TBX1: variants seen among roughly 807,000 people sequenced by gnomAD.
TBX1 encodes T-box transcription factor 1.
A neutral mutation model predicts 40.8 loss-of-function variants in TBX1; 16 were observed. The ratio of observed to expected loss-of-function variants is 0.39; its 90% CI spans 0.27 to 0.60. TBX1 has a LOEUF of 0.60. Ranked by LOEUF, TBX1 falls within the 20% of genes least tolerant of loss-of-function variation. The pLI is 0.51. For missense variants in TBX1, 755 were observed against 728.5 expected (o/e 1.04, Z -0.42); for synonymous variants, 403 against 336.8 (o/e 1.20, Z -2.15).
intron 1 of TBX1, among the ~76,000 whole-genome samples, chr22:19,761,593 A>G (rs1019026415): frequency 7.9e-5 from 12 of 151,936 alleles, no homozygotes; most frequent in African/African-American, 1.9e-4. Context: ...CGCGCGGCCC[A>G]GAAACCGGCC....
chr22:19,757,536 C>A (rs1936514668), upstream of TBX1, among the ~76,000 whole-genome samples: 1 of 152,188 alleles, frequency 6.6e-6, no homozygotes, highest in Non-Finnish European at 1.5e-5. Flanking sequence ...TTGGGCATAC[C>A]CTCAGGCTGG....
chr22:19,780,437 G>A (rs1206769598), downstream of TBX1, among the ~76,000 whole-genome samples: 2 of 152,188 alleles, frequency 1.3e-5, no homozygotes, highest in African/African-American at 2.4e-5. Context: ...GTTCTAGCCT[G>A]TGTCGGAACT....
chr22:19,759,546 C>G, upstream of TBX1: 1 of 1,564,008 alleles, frequency 6.4e-7, no homozygotes, highest in Non-Finnish European at 8.6e-7. Flanking sequence ...AGCATCGCCT[C>G]TCTGGTTGCA....
At chr22:19,765,852 G>A (rs1936816510) in intron 5 of TBX1, 27 bp downstream of exon 5, 1 of 1,581,334 alleles carries the variant, frequency 6.3e-7, no homozygotes, top group African/African-American at 1.4e-5. Context: ...GAGAGAGTGA[G>A]CGCCGGGCGC....
At chr22:19,766,154 C>G (rs1168293653) in intron 6 of TBX1, 152 bp downstream of exon 6, 1 of 749,802 alleles carries the variant, frequency 1.3e-6, no homozygotes, top group East Asian at 1.1e-4. Flanking sequence ...CGCGCACTCG[C>G]CCGCCCGGCC....
upstream of TBX1, among the ~76,000 whole-genome samples, chr22:19,758,268 C>A (rs901587562): frequency 6.6e-6 from 1 of 152,206 alleles, no homozygotes; most frequent in Non-Finnish European, 1.5e-5. Flanking sequence ...TACAGAGAGG[C>A]CTTGCAAACA....
chr22:19,766,771 G>GGCCGCC lies in TBX1; in HGVS notation c.1428_1433dup (p.Ala484_Ala485dup). ...ACCACCCCGTGAGTCCAGCCGCCGC[G>GGCCGCC]GCCGCCGCCGCCGCTGCCGCAGCTG... On this transcript the variant is annotated inframe_insertion, in exon 7 of 7. Coordinates refer to ENST00000649276, the MANE Select transcript of TBX1 (RefSeq NM_001379200.1). 4 of 1,472,994 alleles carry GGCCGCC rather than the reference G, an allele frequency of 2.7e-6. No homozygotes were observed. Among genetic ancestry groups the GGCCGCC allele is most frequent in the Non-Finnish European group, 3.6e-6 (4 of 1,125,840 alleles). The allele number at this position is 1,472,994 out of a possible 1,614,324, so 91.2% of individuals were successfully genotyped here.
chr22:19,769,204 G>A (rs1343310676), downstream of TBX1, among the ~76,000 whole-genome samples: 2 of 152,058 alleles, frequency 1.3e-5, no homozygotes, highest in Admixed American at 6.6e-5. Flanking sequence ...CAGGTGACCC[G>A]CCTGCCTTGG....
In TBX1 at chr22:19,766,505, G is replaced by A. The variant is rs1790276362; in HGVS notation, c.1153G>A (p.Ala385Thr). ...GGTGCTAAGCCCCTCGCTGCCCGGG[G>A]CCGGCGGCGCCGGCGGCTTAGTCCC... ...ARVLSPSLPG[A>T]GGAGGLVPLP... The change falls in exon 7 of 7, where the codon GCC becomes ACC. Residue 385 changes from alanine (A) to threonine (T), a missense_variant. Physicochemically the swap from Ala to Thr is moderately conservative, Grantham distance 58. This residue lies in a region of TBX1 where 412 missense variants were observed against 317.6 expected (regional missense o/e 1.30). Transcript: ENST00000649276. 7.7e-7 allele frequency: 1 copy of A among 1,303,490 alleles called. No homozygotes were observed. The highest frequency in any genetic ancestry group is 9.7e-7 in the Non-Finnish European group (1 of 1,029,224). The allele number at this position is 1,303,490 out of a possible 1,614,324, so 80.7% of individuals were successfully genotyped here.
chr22:19,766,093 G>A (rs1936831198), intron 6 of TBX1, 91 bp downstream of exon 6: 3 of 1,135,976 alleles, frequency 2.6e-6, no homozygotes, highest in Non-Finnish European at 3.4e-6. Context: ...GCGCCCCCGG[G>A]GCGCTCCAGG....
upstream of TBX1, chr22:19,759,463 G>C: frequency 7.0e-7 from 1 of 1,426,794 alleles, no homozygotes; most frequent in Non-Finnish European, 9.1e-7. Flanking sequence ...CACGCAGTCG[G>C]AGGCGGCGCC....
At chr22:19,770,161 G>A (rs556693189), downstream of TBX1, among the ~76,000 whole-genome samples, 50 of 152,204 alleles carry the variant, frequency 3.3e-4, no homozygotes, top group African/African-American at 1.0e-3. Flanking sequence ...GGCTGCAGAC[G>A]TCCAGCTGCC....
downstream of TBX1, chr22:19,782,809 T>C (rs770233012): frequency 7.5e-6 from 12 of 1,601,186 alleles, no homozygotes; most frequent in Admixed American, 1.7e-5. Flanking sequence ...TCTTTCTTGC[T>C]ACACAAAGAG....
downstream of TBX1, among the ~76,000 whole-genome samples, chr22:19,767,832 C>G (rs1936914755): frequency 6.6e-6 from 1 of 152,206 alleles, no homozygotes; most frequent in Admixed American, 6.5e-5. Context: ...CATGGAAAGA[C>G]AAAAACAGGC....
downstream of TBX1, among the ~76,000 whole-genome samples, chr22:19,780,161 G>A (rs1379287460): frequency 6.6e-6 from 1 of 152,184 alleles, no homozygotes; most frequent in Non-Finnish European, 1.5e-5. Context: ...CCCTTTGTAA[G>A]TGTACATTTC....
At chr22:19,759,623 C>A, upstream of TBX1, 1 of 1,611,734 alleles carries the variant, frequency 6.2e-7, no homozygotes, top group Non-Finnish European at 8.5e-7. Context: ...GCTTCGCTGG[C>A]TGCCAGGATC....
chr22:19,758,109 C>T (rs575165833), upstream of TBX1, among the ~76,000 whole-genome samples: 2 of 152,356 alleles, frequency 1.3e-5, no homozygotes, highest in East Asian at 3.9e-4. Flanking sequence ...CCCAGCCCCC[C>T]AGCCCGTTAC....
chr22:19,780,582 T>C (rs1274984904), downstream of TBX1, among the ~76,000 whole-genome samples: 2 of 152,192 alleles, frequency 1.3e-5, no homozygotes, highest in Non-Finnish European at 2.9e-5. Context: ...TGAACGTGGG[T>C]ATAGAAATAT....
chr22:19,778,698 G>T (rs999762478), intron 8 of TBX1, among the ~76,000 whole-genome samples: 2 of 152,160 alleles, frequency 1.3e-5, no homozygotes, highest in Non-Finnish European at 2.9e-5. Flanking sequence ...GCCTCCCAAA[G>T]TTCTGGGATT....
Sources: gnomAD v4.1 joint callset for allele counts (sites outside exome capture counted in the v4.1 genomes callset) on GRCh38, gnomAD v4.1.1 for gene constraint, gnomAD v4.1.1 regional missense constraint, MANE v1.5 for transcripts, NCBI Gene and HGNC (gene_info 2026-07-23, HGNC 2026-07-21) for gene names.